The following AMMECR1 variants were observed in gnomAD, a reference collection of about 807,000 sequenced individuals.
AMMECR1 encodes the protein AMMECR nuclear protein 1.
Under a neutral mutation model 22.5 loss-of-function variants are expected in AMMECR1, and 3 were observed. The observed-to-expected ratio is 0.13, with a 90% confidence interval of 0.06 to 0.35. AMMECR1 has a LOEUF of 0.35. Ranked by LOEUF, AMMECR1 falls within the 10% of genes least tolerant of loss-of-function variation. The pLI is 1.00. For missense variants in AMMECR1, 235 were observed against 278.7 expected (o/e 0.84, Z 1.12); for synonymous variants, 130 against 116.7 (o/e 1.11, Z -0.74).
Position 110,216,604 on chromosome X carries a change from T to A in AMMECR1, c.613A>T (p.Met205Leu). 1 of 1,206,637 alleles carries A rather than the reference T, an allele frequency of 8.3e-7. No homozygotes were observed. ...SALKDSRFPPMTRDELPRLFC... is the reference protein window; with the variant it reads ...SALKDSRFPPLTRDELPRLFC... ...AGCCGTGGCAGCTCATCCCTTGTCA[T>A]TGGGGGAAAACGGCTATCTTTAAGG... Residue 205 changes from methionine (M) to leucine (L), a missense_variant, in exon 3 of 6, where the codon ATG (methionine) becomes TTG (leucine). Around this residue, in one of 2 missense-constraint regions of AMMECR1, gnomAD observed 111 missense variants for 181.7 expected, o/e 0.61. Transcript: ENST00000262844.
chrX:110,218,113 CAAAT>C (rs1325351624), intron 2 of AMMECR1, among the ~76,000 whole-genome samples: 2 of 110,968 alleles, frequency 1.8e-5, no homozygotes, highest in African/African-American at 6.5e-5. Context: ...TTCCTACTGA[CAAAT>C]AAAAGTTTTA....
intron 2 of AMMECR1, among the ~76,000 whole-genome samples, chrX:110,227,901 T>C (rs1466719690): frequency 8.9e-6 from 1 of 112,200 alleles, no homozygotes; most frequent in Non-Finnish European, 1.9e-5. Flanking sequence ...CCACTGCCTG[T>C]TTCTTTCAAA....
At chrX:110,386,880 G>A (rs368635563) in intron 2 of AMMECR1, among the ~76,000 whole-genome samples, 57 of 112,287 alleles carry the variant, frequency 5.1e-4, no homozygotes, top group Middle Eastern at 4.6e-3. Flanking sequence ...CAGAAGAGAA[G>A]ATGCAAACAT....
At chrX:110,344,357 A>G (rs1217064613) in intron 2 of AMMECR1, among the ~76,000 whole-genome samples, 1 of 112,551 alleles carries the variant, frequency 8.9e-6, no homozygotes, top group Admixed American at 9.4e-5. Flanking sequence ...GATGGATTAA[A>G]GACTTACATG....
chrX:110,341,828 C>T (rs941280401), intron 2 of AMMECR1, among the ~76,000 whole-genome samples: 10 of 112,136 alleles, frequency 8.9e-5, no homozygotes, highest in Non-Finnish European at 1.9e-4. Flanking sequence ...ACTGGGAGGA[C>T]GAGGCAGGTG....
intron 2 of AMMECR1, among the ~76,000 whole-genome samples, chrX:110,350,475 T>C (rs1489170910): frequency 1.8e-5 from 2 of 111,570 alleles, no homozygotes; most frequent in East Asian, 5.6e-4. Flanking sequence ...AAAGAAATAA[T>C]AGGCCTCCAG....
chrX:110,262,259 C>A (rs1177503831), intron 2 of AMMECR1, among the ~76,000 whole-genome samples: 1 of 111,494 alleles, frequency 9.0e-6, no homozygotes, highest in Non-Finnish European at 1.9e-5. Context: ...TCTTGTTATA[C>A]AAAAGAAATT....
In AMMECR1 at chrX:110,422,998, C is replaced by T. The variant is rs897883531; in HGVS notation, c.-148+3660G>A. Among the ~76,000 whole-genome samples the T allele has an allele frequency of 2.3e-4, 26 of 111,683 alleles. No individual in the cohort carries two copies. In the Admixed American group the frequency reaches 2.4e-3, roughly 10 times the overall value. ...TGTAGCCTAGGCCGTGAGTTGATCC[C>T]ACCCCGTCATGTCCTGTACCCTTCA... On this transcript the variant is annotated intron_variant, in intron 2 of 7. Coordinates refer to the AMMECR1 transcript ENST00000372057.
At position 110,356,880 on chromosome X, in the gene AMMECR1, A is replaced by G. The variant is rs146430387; in HGVS notation, c.-147-39031T>C. ...AGCAAGAGAGCAGAAGGAAAATGGA[A>G]TCACTTCTCCCTGATTTTCAAGTCT... On this transcript the variant is annotated intron_variant, in intron 2 of 7. Transcript: ENST00000372057. Among the ~76,000 whole-genome samples the G allele has an allele frequency of 3.0e-3, 337 of 111,603 alleles. 3 individuals are homozygous for G. Among genetic ancestry groups the G allele is most frequent in the African/African-American group, 0.01 (311 of 30,780 alleles).
chrX:110,409,939 C>T (rs182173548), intron 2 of AMMECR1, among the ~76,000 whole-genome samples: 75 of 111,968 alleles, frequency 6.7e-4, no homozygotes, highest in Non-Finnish European at 1.2e-3. Flanking sequence ...AATGGAATTA[C>T]CAGGAATGCT....
rs539036946 is a variant in AMMECR1 at position 110,281,737 on chromosome X, G to C, written c.474-17138C>G. Among the ~76,000 whole-genome samples the C allele has an allele frequency of 2.0e-4, 23 of 112,250 alleles. No individual in the cohort carries two copies. The South Asian group carries it at 8.1e-3, about 40-fold the overall frequency. On this transcript the variant is annotated intron_variant, in intron 1 of 5. Coordinates refer to ENST00000262844, the MANE Select transcript of AMMECR1 (RefSeq NM_015365.3). The stretch of plus-strand genomic sequence containing the variant: ...TTCTCAATAACTAACTTTTTAGAAG[G>C]TCTATAAGGTCTACAAGGGGTCACT...
chrX:110,258,669 T>C (rs2067722821), intron 2 of AMMECR1, among the ~76,000 whole-genome samples: 1 of 112,228 alleles, frequency 8.9e-6, no homozygotes. Flanking sequence ...ATGCATACTT[T>C]AGCCAGAAGT....
At chrX:110,360,695 G>A (rs1288326908) in intron 2 of AMMECR1, among the ~76,000 whole-genome samples, 2 of 111,167 alleles carry the variant, frequency 1.8e-5, no homozygotes, top group Non-Finnish European at 3.8e-5. Context: ...TTTTTGGAGG[G>A]GAAGGACAAA....
At chrX:110,242,211 C>T (rs753311527) in intron 2 of AMMECR1, among the ~76,000 whole-genome samples, 4 of 111,720 alleles carry the variant, frequency 3.6e-5, no homozygotes, top group African/African-American at 1.3e-4. Context: ...TTTACATATA[C>T]AGAATTGTAA....
At chrX:110,226,549 G>C (rs1285153966) in intron 2 of AMMECR1, among the ~76,000 whole-genome samples, 1 of 111,700 alleles carries the variant, frequency 9.0e-6, no homozygotes. Context: ...GGAGGTTGCA[G>C]TGAGTTGAGA....
intron 3 of AMMECR1, among the ~76,000 whole-genome samples, chrX:110,203,779 T>C (rs2067408470): frequency 9.0e-6 from 1 of 111,642 alleles, no homozygotes; most frequent in Admixed American, 9.5e-5. Context: ...GTCTCAAATT[T>C]TCCAATTTTT....
chrX:110,339,401 T>TTA (rs1362849256), intron 2 of AMMECR1, among the ~76,000 whole-genome samples: 1 of 48,958 alleles, frequency 2.0e-5, no homozygotes, highest in Non-Finnish European at 3.9e-5. Flanking sequence ...TGGTTTGTTG[T>TTA]AAAAAAAAAA....
chrX:110,210,539 T>C (rs753165572), intron 3 of AMMECR1, among the ~76,000 whole-genome samples: 59 of 111,894 alleles, frequency 5.3e-4, no homozygotes, highest in African/African-American at 1.8e-3. Flanking sequence ...ATGGGAACTC[T>C]GTTTTCAATG....
intron 2 of AMMECR1, among the ~76,000 whole-genome samples, chrX:110,426,002 G>GCACACA (rs201141674): frequency 4.7e-5 from 5 of 107,493 alleles, no homozygotes; most frequent in African/African-American, 1.7e-4. Flanking sequence ...ACACACAAAC[G>GCACACA]CACACACACA....
Sources: gnomAD v4.1 joint callset for allele counts (sites outside exome capture counted in the v4.1 genomes callset) on GRCh38, gnomAD v4.1.1 for gene constraint, gnomAD v4.1.1 regional missense constraint, MANE v1.5 for transcripts, NCBI Gene and HGNC (gene_info 2026-07-23, HGNC 2026-07-21) for gene names.